Variants in TXLNB observed in about 807,000 individuals in gnomAD.
The protein encoded by TXLNB is taxilin beta, also known as beta-taxilin.
A neutral mutation model predicts 57.4 loss-of-function variants in TXLNB; 37 were observed. The observed-to-expected ratio is 0.64, with a 90% CI of 0.50 to 0.85. The LOEUF is 0.85. TXLNB is among the 40% of genes least tolerant of loss of function. The probability of loss-of-function intolerance (pLI) is 0.00; values close to 1 mark genes in which losing one functional copy is unlikely to be tolerated. For missense variants in TXLNB, 848 were observed against 825.6 expected (o/e 1.03, Z -0.33); for synonymous variants, 302 against 309.6 (o/e 0.98, Z 0.26).
chr6:139,299,630 C>T, the TXLNB span, among the ~76,000 whole-genome samples: 1 of 152,090 alleles, frequency 6.6e-6, no homozygotes, highest in East Asian at 1.9e-4. Context: ...CATCTCCCCA[C>T]TTGGGGAGAT....
the TXLNB span, among the ~76,000 whole-genome samples, chr6:139,163,061 G>A: frequency 2.7e-3 from 406 of 152,274 alleles, no homozygotes; most frequent in Middle Eastern, 0.014. Context: ...GCTGTTCTCC[G>A]TGAGGAGACA....
chr6:139,184,633 G>A, the TXLNB span, among the ~76,000 whole-genome samples: 1 of 152,204 alleles, frequency 6.6e-6, no homozygotes, highest in African/African-American at 2.4e-5. Context: ...CTCACTTGGG[G>A]ATCTAGCTTT....
the TXLNB span, among the ~76,000 whole-genome samples, chr6:139,188,359 A>G: frequency 6.6e-6 from 1 of 152,198 alleles, no homozygotes; most frequent in Non-Finnish European, 1.5e-5. Flanking sequence ...ATTTTGTGAC[A>G]GCCGTATTTG....
At chr6:139,297,795 A>G in the TXLNB span, among the ~76,000 whole-genome samples, 2 of 152,212 alleles carry the variant, frequency 1.3e-5, no homozygotes, top group Non-Finnish European at 2.9e-5. Flanking sequence ...TTCTACACCA[A>G]TAACATTTTC....
chr6:139,198,478 G>A, the TXLNB span, among the ~76,000 whole-genome samples: 1 of 152,074 alleles, frequency 6.6e-6, no homozygotes, highest in African/African-American at 2.4e-5. Context: ...AGGCCGGGGT[G>A]CCTACCTCCA....
the TXLNB span, among the ~76,000 whole-genome samples, chr6:139,310,540 A>C: frequency 2.0e-5 from 3 of 152,236 alleles, no homozygotes; most frequent in South Asian, 2.1e-4. Context: ...TAGCCACTCT[A>C]TCTCTCTGTC....
chr6:139,191,264 C>A, the TXLNB span, among the ~76,000 whole-genome samples: 6 of 152,104 alleles, frequency 3.9e-5, no homozygotes, highest in African/African-American at 1.2e-4. Context: ...ACTGAAAATA[C>A]AAACTTAGCC....
At chr6:139,285,304 A>ACACACACACACC (rs1314503333) in intron 2 of TXLNB, among the ~76,000 whole-genome samples, 3 of 128,144 alleles carry the variant, frequency 2.3e-5, no homozygotes, top group African/African-American at 8.9e-5. Context: ...ACACACACAC[A>ACACACACACACC]CCCCAATTCT....
chr6:139,299,712 G>A, the TXLNB span, among the ~76,000 whole-genome samples: 1 of 152,042 alleles, frequency 6.6e-6, no homozygotes, highest in Admixed American at 6.5e-5. Flanking sequence ...GGACCCCCTG[G>A]GTTTGTGGAA....
At chr6:139,212,773 G>GGCTCAAA in the TXLNB span, among the ~76,000 whole-genome samples, 1 of 152,124 alleles carries the variant, frequency 6.6e-6, no homozygotes, top group Non-Finnish European at 1.5e-5. Flanking sequence ...AAAATAAAGG[G>GGCTCAAA]ATGCAGGAAG....
chr6:139,285,870 C>T (rs1232514244), intron 2 of TXLNB, among the ~76,000 whole-genome samples: 1 of 145,578 alleles, frequency 6.9e-6, no homozygotes, highest in East Asian at 2.0e-4. Context: ...GTTTTCATTT[C>T]TTTCATTTCA....
the TXLNB span, among the ~76,000 whole-genome samples, chr6:139,186,237 A>C: frequency 6.6e-6 from 1 of 152,240 alleles, no homozygotes; most frequent in Non-Finnish European, 1.5e-5. Context: ...TGGATAGATT[A>C]GATGTTATTA....
chr6:139,310,067 G>A, the TXLNB span, among the ~76,000 whole-genome samples: 4 of 152,246 alleles, frequency 2.6e-5, no homozygotes, highest in Non-Finnish European at 5.9e-5. Flanking sequence ...CATTGGCCTT[G>A]GCAATGATAT....
chr6:139,189,582 TA>T, the TXLNB span, among the ~76,000 whole-genome samples: 8 of 152,308 alleles, frequency 5.3e-5, no homozygotes, highest in East Asian at 3.9e-4. Flanking sequence ...AGGTCTGAAA[TA>T]AATGGAGTTC....
chr6:139,287,705 G>A (rs1037885445), intron 2 of TXLNB, among the ~76,000 whole-genome samples: 4 of 152,212 alleles, frequency 2.6e-5, no homozygotes, highest in Non-Finnish European at 5.9e-5. Flanking sequence ...AAGACAAGCA[G>A]AGGGACTTTC....
At chr6:139,244,399 T>C (rs143045382) in intron 9 of TXLNB, among the ~76,000 whole-genome samples, 196 bp downstream of exon 9, 1 of 152,324 alleles carries the variant, frequency 6.6e-6, no homozygotes, top group Non-Finnish European at 1.5e-5. Flanking sequence ...AAACTCTTTC[T>C]GAGTCTGGAC....
chr6:139,222,580 G>A, the TXLNB span, among the ~76,000 whole-genome samples: 1 of 152,218 alleles, frequency 6.6e-6, no homozygotes, highest in Non-Finnish European at 1.5e-5. Flanking sequence ...GCCGAGGCAG[G>A]TGAATCACCT....
Position 139,242,559 on chromosome 6 carries a change from G to T in TXLNB, c.2022C>A (p.Asn674Lys). The change falls in exon 10 of 10, where the codon AAC becomes AAA. Residue 674 changes from asparagine (N) to lysine (K), a missense_variant. Physicochemically the swap from Asn to Lys is moderately conservative, Grantham distance 94. Coordinates refer to ENST00000358430, the MANE Select transcript of TXLNB (RefSeq NM_153235.4). ...CGCCTTCCAGATTGGTGTCAGCCAC[G>T]TTGCGCGGCTGGGGCCCAGCTGAGG... Reference protein sequence around the residue: ...VGASAGPQPRNVADTNLEGVD With the variant: ...VGASAGPQPRKVADTNLEGVD 1 of 1,513,332 alleles carries T rather than the reference G, an allele frequency of 6.6e-7. No individual in the cohort carries two copies. The highest frequency in any genetic ancestry group is 8.8e-7 in the Non-Finnish European group (1 of 1,133,686). The allele number at this position is 1,513,332 out of a possible 1,614,324, so 93.7% of individuals were successfully genotyped here.
At chr6:139,300,891 T>G in the TXLNB span, among the ~76,000 whole-genome samples, 2 of 151,770 alleles carry the variant, frequency 1.3e-5, no homozygotes, top group Admixed American at 1.3e-4. Context: ...CGAGACTCCA[T>G]CTCAAAAAAA....
Sources: gnomAD v4.1 joint callset for allele counts (sites outside exome capture counted in the v4.1 genomes callset) on GRCh38, gnomAD v4.1.1 for gene constraint, MANE v1.5 for transcripts, NCBI Gene and HGNC (gene_info 2026-07-23, HGNC 2026-07-21) for gene names.